ORC4: variants seen among roughly 807,000 people sequenced by gnomAD.
The protein encoded by ORC4 is origin recognition complex subunit 4.
Under a neutral mutation model 63.9 loss-of-function variants are expected in ORC4, and 55 were observed. The observed-to-expected ratio is 0.86, with a 90% CI of 0.69 to 1.08. The LOEUF (loss-of-function observed/expected upper bound fraction) is 1.08. ORC4 is among the 50% of genes least tolerant of loss of function. The pLI is 0.00. For synonymous variants in ORC4, 150 were observed against 168.5 expected, an observed-to-expected ratio of 0.89 and a Z score of 0.85; for missense variants, 511 against 504.4, an observed-to-expected ratio of 1.01 and a Z score of -0.13.
At position 147,948,113 on chromosome 2, in the gene ORC4, A is replaced by T. The variant is rs895471240; in HGVS notation, c.700T>A (p.Leu234Ile). 9 of 1,611,606 alleles carry T rather than the reference A, an allele frequency of 5.6e-6. No homozygotes were observed. Among genetic ancestry groups the T allele is most frequent in the Non-Finnish European group, 7.6e-6 (9 of 1,178,034 alleles). The change falls in exon 9 of 14, where the codon TTA becomes ATA. Residue 234 changes from leucine (L) to isoleucine (I), a missense_variant. Physicochemically the swap from Leu to Ile is conservative, Grantham distance 5. Coordinates refer to ENST00000392857, the MANE Select transcript of ORC4 (RefSeq NM_181741.4). ...TCTGGAAACTCTGCAGGTAGAGATA[A>T]CTGTTCTTTAAATATTTTAACATAC... is the stretch of plus-strand genomic sequence containing the variant. Reference protein sequence around the residue: ...PQYVKIFKEQLSLPAEFPDKV... With the variant: ...PQYVKIFKEQISLPAEFPDKV...
chr2:147,958,240 T>C lies in ORC4; in HGVS notation c.387+58A>G, dbSNP rs140548768. 1.1e-4 allele frequency: 115 copies of C among 1,043,806 alleles called. No homozygotes were observed. In the African/African-American group the frequency reaches 1.7e-3, roughly 15 times the overall value. 64.7% of individuals were successfully genotyped at this position (1,043,806 alleles called of 1,614,324 possible). ...CCTTCCAGAAATATAAAAATATACA[T>C]GGTATAAAGACATTACCTTAAAAGT... On this transcript the variant is annotated intron_variant, in intron 6 of 13. Transcript: ENST00000392857.
At chr2:148,016,833 AACCTAATGCATTG>A (rs1256754316) in intron 1 of ORC4, among the ~76,000 whole-genome samples, 1 of 152,258 alleles carries the variant, frequency 6.6e-6, no homozygotes, top group East Asian at 1.9e-4. Context: ...CTTTTGTACC[AACCTAATGCATTG>A]ACAGCTGATT....
rs1573726033 is a variant in ORC4, at chr2:147,931,093, G to A, written c.*4417C>T. The A allele has an allele frequency of 6.8e-6, 1 of 146,430 alleles. No individual in the cohort carries two copies. The highest frequency in any genetic ancestry group is 2.0e-4 in the East Asian group (1 of 5,046). The allele number at this position is 146,430 out of a possible 1,614,324, so 9.1% of individuals were successfully genotyped here. A position where few individuals can be genotyped will look rare whatever the true frequency, so the allele number is the denominator to read the frequency against. On this transcript the variant is annotated 3_prime_UTR_variant, in exon 14 of 14. Transcript: ENST00000392857. ...CATTGTTCAATTCCCACCTATGAGT[G>A]AGAATATGCGGTGTTTGGTTTTTTG...
At chr2:147,987,040 T>G (rs1363971918) in intron 1 of ORC4, among the ~76,000 whole-genome samples, 1 of 151,988 alleles carries the variant, frequency 6.6e-6, no homozygotes, top group Non-Finnish European at 1.5e-5. Context: ...TAAAACTATT[T>G]TTTTTTTAGA....
intron 1 of ORC4, among the ~76,000 whole-genome samples, chr2:147,981,553 A>G (rs926789260): frequency 6.6e-6 from 1 of 152,232 alleles, no homozygotes; most frequent in Non-Finnish European, 1.5e-5. Flanking sequence ...TCATAGAATG[A>G]AAGCAGATTT....
intron 1 of ORC4, among the ~76,000 whole-genome samples, chr2:147,985,320 C>G (rs1401556905): frequency 6.6e-6 from 1 of 152,140 alleles, no homozygotes; most frequent in Non-Finnish European, 1.5e-5. Context: ...CCTCAGCCTC[C>G]TGAGTAGCTG....
intron 1 of ORC4, among the ~76,000 whole-genome samples, chr2:147,998,218 A>C (rs1692088375): frequency 7.0e-6 from 1 of 142,716 alleles, no homozygotes; most frequent in Non-Finnish European, 1.5e-5. Context: ...GCAAGTGAAA[A>C]GCCAACAGAT....
chr2:147,988,067 A>G (rs938000811), intron 1 of ORC4, among the ~76,000 whole-genome samples: 1 of 151,884 alleles, frequency 6.6e-6, no homozygotes, highest in Non-Finnish European at 1.5e-5. Context: ...AAAAAAAAAA[A>G]AGAAAGTATT....
intron 8 of ORC4, among the ~76,000 whole-genome samples, chr2:147,950,403 T>C (rs1688885507): frequency 6.6e-6 from 1 of 152,196 alleles, no homozygotes; most frequent in Non-Finnish European, 1.5e-5. Context: ...GGGAAGAAGA[T>C]GCTTGCTGGC....
At chr2:147,971,568 C>T (rs987256308) in intron 4 of ORC4, among the ~76,000 whole-genome samples, 7 of 151,556 alleles carry the variant, frequency 4.6e-5, no homozygotes, top group African/African-American at 1.7e-4. Context: ...CCAATATATA[C>T]CTATTAGAAT....
intron 4 of ORC4, among the ~76,000 whole-genome samples, chr2:147,968,453 C>T (rs1335214358): frequency 6.6e-6 from 1 of 151,826 alleles, no homozygotes; most frequent in African/African-American, 2.4e-5. Context: ...AGCAAAAAAC[C>T]AATTTGCTTA....
chr2:147,989,772 C>G (rs915291947), intron 1 of ORC4, among the ~76,000 whole-genome samples: 1 of 152,124 alleles, frequency 6.6e-6, no homozygotes, highest in African/African-American at 2.4e-5. Flanking sequence ...TCCAAGAACA[C>G]TAATTTATAT....
At chr2:147,955,967 T>C (rs1322855705) in intron 6 of ORC4, among the ~76,000 whole-genome samples, 1 of 152,026 alleles carries the variant, frequency 6.6e-6, no homozygotes, top group East Asian at 1.9e-4. Flanking sequence ...TTTGGCTATG[T>C]TTACTTGGAA....
chr2:147,958,452 C>T, intron 5 of ORC4, 69 bp from the exon 6 acceptor site: 2 of 1,150,328 alleles, frequency 1.7e-6, no homozygotes, highest in Admixed American at 1.8e-5. Context: ...AGGTTGTTTT[C>T]CAGTTAAGTA....
chr2:147,975,694 C>CA (rs1690509418), intron 2 of ORC4, among the ~76,000 whole-genome samples: 1 of 152,084 alleles, frequency 6.6e-6, no homozygotes, highest in Non-Finnish European at 1.5e-5. Context: ...TTAATTTTGA[C>CA]AGAGTTTGGA....
chr2:148,020,118 TCCACTCAAGACTTCCCTGC>T, intron 1 of ORC4, among the ~76,000 whole-genome samples: 1 of 152,152 alleles, frequency 6.6e-6, no homozygotes, highest in South Asian at 2.1e-4. Context: ...GGAGGGAAGC[TCCACTCAAGACTTCCCTGC>T]CTGCTCCTTC....
At chr2:147,973,346 T>G in intron 3 of ORC4, 102 bp downstream of exon 3, 1 of 783,454 alleles carries the variant, frequency 1.3e-6, no homozygotes, top group Non-Finnish European at 2.3e-6. Flanking sequence ...ATAAAAGTGT[T>G]TGTTAGCTTT....
intron 1 of ORC4, among the ~76,000 whole-genome samples, chr2:147,976,731 G>A (rs908124258): frequency 2.0e-5 from 3 of 151,956 alleles, no homozygotes; most frequent in Non-Finnish European, 4.4e-5. Flanking sequence ...ACACTCATAA[G>A]TGCCTGTATT....
chr2:147,944,148 T>G (rs1330021806), intron 9 of ORC4, among the ~76,000 whole-genome samples: 2 of 152,088 alleles, frequency 1.3e-5, no homozygotes, highest in African/African-American at 2.4e-5. Flanking sequence ...TTAAGACGTT[T>G]ATAGGAGTAC....
Sources: allele counts gnomAD v4.1 joint callset (sites outside exome capture counted in the v4.1 genomes callset), GRCh38; gene constraint gnomAD v4.1.1; transcripts MANE v1.5; gene names NCBI Gene and HGNC (gene_info 2026-07-23, HGNC 2026-07-21).